The following CDC20B variants were observed in gnomAD, a reference collection of about 807,000 sequenced individuals.
CDC20B encodes cell division cycle protein 20 homolog B.
A neutral mutation model predicts 64.1 loss-of-function variants in CDC20B; 58 were observed. That is an observed-to-expected ratio of 0.90 (90% CI 0.73 to 1.13). The LOEUF (loss-of-function observed/expected upper bound fraction) is 1.13, where lower values mean the gene tolerates loss of function less well. CDC20B is among the 50% of genes most tolerant of loss of function. The pLI is 0.00. For missense variants in CDC20B, 597 were observed against 633.0 expected (o/e 0.94, Z 0.61); for synonymous variants, 243 against 230.6 (o/e 1.05, Z -0.49).
chr5:55,142,859 A>G (rs2111872889), intron 4 of CDC20B, among the ~76,000 whole-genome samples: 1 of 152,310 alleles, frequency 6.6e-6, no homozygotes, highest in Middle Eastern at 3.4e-3. Flanking sequence ...CTAAATTGAG[A>G]ATTTATGACT....
At chr5:55,127,188 A>G (rs1742913786) in intron 8 of CDC20B, 69 bp downstream of exon 8, 2 of 1,345,722 alleles carry the variant, frequency 1.5e-6, no homozygotes, top group Non-Finnish European at 2.1e-6. Flanking sequence ...GAATATTACA[A>G]CTGTTTACTC....
chr5:55,143,971 T>A (rs980779040), intron 3 of CDC20B, among the ~76,000 whole-genome samples: 9 of 145,130 alleles, frequency 6.2e-5, no homozygotes, highest in African/African-American at 2.3e-4. Flanking sequence ...GCAGCAGCAG[T>A]GTGAATGCTT....
intron 2 of CDC20B, chr5:55,165,101 A>G (rs1453551799): frequency 6.6e-6 from 1 of 152,200 alleles, no homozygotes; most frequent in African/African-American, 2.4e-5. Context: ...TTCGTACTAG[A>G]TTAGCCACTT....
chr5:55,146,230 G>A (rs1286611063), intron 3 of CDC20B, among the ~76,000 whole-genome samples: 1 of 152,046 alleles, frequency 6.6e-6, no homozygotes, highest in African/African-American at 2.4e-5. Context: ...AATCACAGGC[G>A]GCCAACTAAT....
chr5:55,114,254 T>A lies in CDC20B; in HGVS notation c.1524A>T (p.Ala508=). 1 of 1,613,896 alleles carries A rather than the reference T, an allele frequency of 6.2e-7. No homozygotes were observed. The highest frequency in any genetic ancestry group is 8.5e-7 in the Non-Finnish European group (1 of 1,179,860). The change falls in exon 12 of 12, where the codon GCA becomes GCT. Residue 508 remains alanine (A), a synonymous_variant. Coordinates refer to ENST00000381375, the MANE Select transcript of CDC20B (RefSeq NM_001170402.1). The surrounding 1 kb of genome is among the most constrained non-coding windows in gnomAD (Gnocchi z 4.1). Reference sequence around the variant, plus strand: ...TCCATACAGAGGCCGTCCCATCAGCTGCAGCAGAAAACACCCGGGTCTGGT... The same window carrying A: ...TCCATACAGAGGCCGTCCCATCAGCAGCAGCAGAAAACACCCGGGTCTGGT... ...SPDQTRVFSA[A]ADGTASVWNC...
rs746251568 is a variant in CDC20B, at chr5:55,143,507, AC to A, written c.486+5del. ...TGGGATCTTCAGTTTTTTTCTCTTT[AC>A]CTACCTGCCCTTTTGAGGCAACACT... On this transcript the variant is annotated splice_donor_5th_base_variant and intron_variant, in intron 4 of 11. Coordinates refer to ENST00000381375, the MANE Select transcript of CDC20B (RefSeq NM_001170402.1). The A allele has an allele frequency of 7.3e-5, 115 of 1,581,162 alleles. No individual in the cohort carries two copies. The highest frequency in any genetic ancestry group is 9.3e-5 in the Non-Finnish European group (108 of 1,166,796).
At chr5:55,140,499 T>C in intron 4 of CDC20B, 92 bp from the exon 5 acceptor site, 3 of 760,836 alleles carry the variant, frequency 3.9e-6, no homozygotes, top group Non-Finnish European at 6.3e-6. Flanking sequence ...CAACTGGTAA[T>C]TCACTAAGGA....
At chr5:55,172,017 G>A (rs1206211523) in intron 2 of CDC20B, among the ~76,000 whole-genome samples, 1 of 152,196 alleles carries the variant, frequency 6.6e-6, no homozygotes, top group Admixed American at 6.5e-5. Flanking sequence ...AGAGAAGCAT[G>A]GTAAATGGTG....
chr5:55,160,448 T>C (rs1383661992), intron 2 of CDC20B: 1 of 1,441,182 alleles, frequency 6.9e-7, no homozygotes. Flanking sequence ...TGTCTCTGTT[T>C]ATTCCTCTTA....
Position 55,158,557 on chromosome 5 carries a change from G to A in CDC20B, c.127-11701C>T, listed in dbSNP as rs560637442. ...CCCGAAAACACACATGCCACAGAGC[G>A]GGAACCAGAAGAGCAGGCAGCACCC... On this transcript the variant is annotated intron_variant, in intron 2 of 11. Coordinates refer to ENST00000381375, the MANE Select transcript of CDC20B (RefSeq NM_001170402.1). 3.3e-5 allele frequency among the ~76,000 whole-genome samples: 5 copies of A among 152,242 alleles called. No homozygotes were observed. The South Asian group carries it at 1.0e-3, about 32-fold the overall frequency.
rs1352010463 is a variant in CDC20B at position 55,116,174 on chromosome 5, C to A, written c.1460-1856G>T. ...AAGAATCTCTTTTTTTTATGGAAGA[C>A]CACTGTCTATTATTTAAAAAATAAT... On this transcript the variant is annotated intron_variant, in intron 11 of 11. Coordinates refer to ENST00000381375, the MANE Select transcript of CDC20B (RefSeq NM_001170402.1). Among the ~76,000 whole-genome samples, 8 of 152,046 alleles carry A rather than the reference C, an allele frequency of 5.3e-5. 1 individual carries two copies. Among genetic ancestry groups the A allele is most frequent in the Admixed American group, 4.6e-4 (7 of 15,260 alleles).
rs145581265 is a variant in CDC20B, at chr5:55,146,594, G to C, written c.355+34C>G. The C allele has an allele frequency of 5.7e-3, 8,243 of 1,451,126 alleles. 38 individuals are homozygous for C. Among genetic ancestry groups the C allele is most frequent in the Non-Finnish European group, 7.2e-3 (7,403 of 1,033,472 alleles). The allele number at this position is 1,451,126 out of a possible 1,614,324, so 89.9% of individuals were successfully genotyped here. A position where few individuals can be genotyped will look rare whatever the true frequency, so the allele number is the denominator to read the frequency against. ...CAGGAATATATCTTTTATTCACGTTGCAAAACGGGGCTGTGGCGTTTGGGG... is the reference window on the plus strand; with the variant it reads ...CAGGAATATATCTTTTATTCACGTTCCAAAACGGGGCTGTGGCGTTTGGGG... On this transcript the variant is annotated intron_variant, in intron 3 of 11. Coordinates refer to ENST00000381375, the MANE Select transcript of CDC20B (RefSeq NM_001170402.1).
At chr5:55,142,233 C>T (rs1017052293) in intron 4 of CDC20B, among the ~76,000 whole-genome samples, 3 of 152,176 alleles carry the variant, frequency 2.0e-5, no homozygotes, top group African/African-American at 7.2e-5. Context: ...AAACACCCTC[C>T]AGATGATCAG....
chr5:55,160,300 A>C (rs1434956319), intron 2 of CDC20B: 1 of 1,613,896 alleles, frequency 6.2e-7, no homozygotes. Context: ...TTCTTCTACA[A>C]CTAAAATTCC....
intron 2 of CDC20B, among the ~76,000 whole-genome samples, chr5:55,149,231 G>C (rs548535736): frequency 1.3e-5 from 2 of 152,312 alleles, no homozygotes; most frequent in South Asian, 4.1e-4. Flanking sequence ...CATTGGTAAG[G>C]ATGCGAAGAA....
chr5:55,171,853 C>T (rs891374931), intron 2 of CDC20B, among the ~76,000 whole-genome samples: 1 of 152,168 alleles, frequency 6.6e-6, no homozygotes, highest in Non-Finnish European at 1.5e-5. Flanking sequence ...GATCCTCCTG[C>T]CTCAGCATCC....
intron 2 of CDC20B, chr5:55,161,354 G>A (rs956494052): frequency 1.0e-5 from 12 of 1,180,752 alleles, no homozygotes; most frequent in Non-Finnish European, 1.4e-5. Flanking sequence ...ACGTTGTATC[G>A]GGAAAGCTTC....
rs561155941 is a variant in CDC20B at position 55,143,789 on chromosome 5, G to A, written c.356-146C>T. ...CTCCAAAGTCCATTGCAGAGAGCAG[G>A]ACAGAGTGAAAAAGCCCAGGCTCTC... is the stretch of plus-strand genomic sequence containing the variant. On this transcript the variant is annotated intron_variant, in intron 3 of 11. Transcript: ENST00000381375. 337 of 716,206 alleles carry A rather than the reference G, an allele frequency of 4.7e-4. 2 individuals carry two copies. In the African/African-American group the frequency reaches 5.2e-3, roughly 11 times the overall value. The allele number at this position is 716,206 out of a possible 1,614,324, so 44.4% of individuals were successfully genotyped here. A position where few individuals can be genotyped will look rare whatever the true frequency, so the allele number is the denominator to read the frequency against.
chr5:55,150,252 G>A (rs1479308126), intron 2 of CDC20B, among the ~76,000 whole-genome samples: 2 of 152,218 alleles, frequency 1.3e-5, no homozygotes, highest in Non-Finnish European at 1.5e-5. Context: ...ACATGCAAAT[G>A]CTTACAATAT....
Sources: gnomAD v4.1 joint callset for allele counts (sites outside exome capture counted in the v4.1 genomes callset) on GRCh38, gnomAD v4.1.1 for gene constraint, Gnocchi (gnomAD v3.1) non-coding constraint, MANE v1.5 for transcripts, NCBI Gene and HGNC (gene_info 2026-07-23, HGNC 2026-07-21) for gene names.